LPAR3: variants seen among roughly 807,000 people sequenced by gnomAD.
LPAR3 encodes lysophosphatidic acid receptor 3.
A neutral mutation model predicts 17.8 loss-of-function variants in LPAR3; 7 were observed. The ratio of observed to expected loss-of-function variants is 0.39; its 90% CI spans 0.22 to 0.74. The LOEUF (loss-of-function observed/expected upper bound fraction) is 0.74. Among genes scored for constraint, LPAR3 ranks in the 30% least tolerant of loss-of-function variants. The pLI is 0.40. For synonymous variants in LPAR3, 179 were observed against 179.9 expected (o/e 0.99, Z 0.04); for missense variants, 391 against 453.4 (o/e 0.86, Z 1.25).
intron 1 of LPAR3, among the ~76,000 whole-genome samples, chr1:84,889,235 G>A (rs1171343054): frequency 3.3e-5 from 5 of 152,166 alleles, no homozygotes; most frequent in African/African-American, 9.7e-5. Flanking sequence ...GCCAGGACAG[G>A]TAGAGAGCAA....
chr1:84,861,719 T>C (rs1398730292), intron 2 of LPAR3, among the ~76,000 whole-genome samples: 12 of 152,228 alleles, frequency 7.9e-5, no homozygotes, highest in Admixed American at 7.9e-4. Flanking sequence ...CTTCCTGTCT[T>C]CCACCAGGTT....
At chr1:84,886,313 G>C (rs940191775) in intron 1 of LPAR3, among the ~76,000 whole-genome samples, 7 of 152,084 alleles carry the variant, frequency 4.6e-5, no homozygotes, top group Non-Finnish European at 1.0e-4. Flanking sequence ...ATGATTCAAG[G>C]CTGGAGTTGG....
intron 2 of LPAR3, among the ~76,000 whole-genome samples, chr1:84,828,053 T>C (rs900761182): frequency 1.3e-5 from 2 of 152,142 alleles, no homozygotes; most frequent in African/African-American, 4.8e-5. Context: ...CAAGTATTTA[T>C]AGCTCAGTTA....
At chr1:84,821,348 T>C (rs886691456) in intron 2 of LPAR3, among the ~76,000 whole-genome samples, 6 of 152,168 alleles carry the variant, frequency 3.9e-5, no homozygotes, top group African/African-American at 1.4e-4. Context: ...TCTGAGGGAC[T>C]CTTGGCAACT....
chr1:84,858,779 C>T (rs1025867334), intron 2 of LPAR3, among the ~76,000 whole-genome samples: 1 of 152,110 alleles, frequency 6.6e-6, no homozygotes, highest in Non-Finnish European at 1.5e-5. Context: ...TCCCTGACTT[C>T]GAAGGGTGTA....
Position 84,865,919 on chromosome 1 carries a change from GGTA to G in LPAR3, c.199_201del (p.Tyr67del), listed in dbSNP as rs777140617. 1.2e-6 allele frequency: 2 copies of G among 1,614,078 alleles called. No individual in the cohort carries two copies. The highest frequency in any genetic ancestry group is 2.2e-5 in the South Asian group (2 of 91,080). On this transcript the variant is annotated inframe_deletion, in exon 2 of 3. Coordinates refer to ENST00000370611, the MANE Select transcript of LPAR3 (RefSeq NM_012152.3). ...TCGGCAGCAGCTAAATTAGCCAACAGGTAGTAGAAGGGGAAATGAAATTTTCTG... is the reference window on the plus strand; with the variant it reads ...TCGGCAGCAGCTAAATTAGCCAACAGGTAGAAGGGGAAATGAAATTTTCTG...
At chr1:84,891,195 T>A (rs4243774) in intron 1 of LPAR3, among the ~76,000 whole-genome samples, 2 of 151,218 alleles carry the variant, frequency 1.3e-5, no homozygotes, top group Non-Finnish European at 2.9e-5. Context: ...TAAATGCAAT[T>A]GAAAGGTTTA....
intron 1 of LPAR3, among the ~76,000 whole-genome samples, chr1:84,880,333 A>G (rs1660340141): frequency 1.3e-5 from 2 of 152,210 alleles, no homozygotes; most frequent in African/African-American, 4.8e-5. Context: ...CTCAGGCAAG[A>G]CTTTTTGCAA....
intron 2 of LPAR3, among the ~76,000 whole-genome samples, chr1:84,847,000 A>G (rs1034429214): frequency 3.9e-5 from 6 of 152,168 alleles, no homozygotes; most frequent in Non-Finnish European, 8.8e-5. Flanking sequence ...ACAAGAAATT[A>G]TATCTTATGT....
chr1:84,822,449 A>T (rs1026990130), intron 2 of LPAR3, among the ~76,000 whole-genome samples: 1 of 152,222 alleles, frequency 6.6e-6, no homozygotes, highest in African/African-American at 2.4e-5. Flanking sequence ...AGAAACATCA[A>T]ATTAAGGAAT....
intron 2 of LPAR3, 76 bp downstream of exon 2, chr1:84,865,309 C>T: frequency 1.4e-6 from 2 of 1,470,234 alleles, no homozygotes; most frequent in Non-Finnish European, 1.8e-6. Context: ...TAGTAAGTGC[C>T]TGGTACACCA....
intron 2 of LPAR3, among the ~76,000 whole-genome samples, chr1:84,830,773 ATGTAGAATGGCTCAC>A (rs1422528726): frequency 6.6e-6 from 1 of 152,176 alleles, no homozygotes; most frequent in African/African-American, 2.4e-5. Flanking sequence ...CCAGGATTTC[ATGTAGAATGGCTCAC>A]TCCATTCTAC....
intron 1 of LPAR3, among the ~76,000 whole-genome samples, chr1:84,873,758 G>GTTT (rs5775802): frequency 0.022 from 3,056 of 141,462 alleles, 117 homozygotes; most frequent in African/African-American, 0.076. Context: ...TTGCTTGTTT[G>GTTT]TTTTTTTTTT....
chr1:84,811,989 A>T lies in LPAR3; in HGVS notation c.*1857T>A, dbSNP rs1373196143. Reference sequence around the variant, plus strand: ...TCATGTTGCCTACTTAGGTCTCTGAAGGAGAAAAATTCAAAATAGAACCCA... The same window carrying T: ...TCATGTTGCCTACTTAGGTCTCTGATGGAGAAAAATTCAAAATAGAACCCA... On this transcript the variant is annotated 3_prime_UTR_variant, in exon 3 of 3. Transcript: ENST00000370611. The T allele has an allele frequency of 6.6e-6, 1 of 152,198 alleles. No homozygotes were observed. The highest frequency in any genetic ancestry group is 1.9e-4 in the East Asian group (1 of 5,204). 9.4% of individuals were successfully genotyped at this position (152,198 alleles called of 1,614,324 possible).
chr1:84,845,931 C>A (rs529702306), intron 2 of LPAR3, among the ~76,000 whole-genome samples: 1 of 152,182 alleles, frequency 6.6e-6, no homozygotes, highest in East Asian at 1.9e-4. Flanking sequence ...ACAAACACAG[C>A]GACAGGACAC....
chr1:84,816,263 G>A (rs563187990), intron 2 of LPAR3, among the ~76,000 whole-genome samples: 6 of 152,148 alleles, frequency 3.9e-5, no homozygotes, highest in African/African-American at 9.7e-5. Context: ...CATACCACCC[G>A]ATAATTGTGT....
intron 2 of LPAR3, among the ~76,000 whole-genome samples, chr1:84,824,970 T>A (rs1659127732): frequency 6.6e-6 from 1 of 152,244 alleles, no homozygotes; most frequent in African/African-American, 2.4e-5. Context: ...GTTTGCTGAA[T>A]GAAGGAGCAA....
intron 1 of LPAR3, among the ~76,000 whole-genome samples, chr1:84,871,752 T>A (rs1278827900): frequency 6.6e-6 from 1 of 152,196 alleles, no homozygotes; most frequent in Non-Finnish European, 1.5e-5. Flanking sequence ...TCCCAGAGGT[T>A]CATTTTAGCC....
chr1:84,884,311 C>T (rs1660419093), intron 1 of LPAR3, among the ~76,000 whole-genome samples: 1 of 152,220 alleles, frequency 6.6e-6, no homozygotes, highest in Non-Finnish European at 1.5e-5. Flanking sequence ...GGCAAGACTG[C>T]TGGTGAGTAT....
Sources: gnomAD v4.1 joint callset for allele counts (sites outside exome capture counted in the v4.1 genomes callset) on GRCh38, gnomAD v4.1.1 for gene constraint, MANE v1.5 for transcripts, NCBI Gene and HGNC (gene_info 2026-07-23, HGNC 2026-07-21) for gene names.